SPEG: variants seen among roughly 807,000 people sequenced by gnomAD.
The protein encoded by SPEG is striated muscle preferentially expressed protein kinase.
SPEG carries 114 observed loss-of-function variants against 300.4 expected under a neutral mutation model. The ratio of observed to expected loss-of-function variants is 0.38; its 90% CI spans 0.33 to 0.44. The LOEUF is 0.44. Ranked by LOEUF, SPEG falls within the 20% of genes least tolerant of loss-of-function variation. The probability of loss-of-function intolerance (pLI) is 1.00; values close to 1 mark genes in which losing one functional copy is unlikely to be tolerated. For synonymous variants in SPEG, 1,964 were observed against 2,018.9 expected (o/e 0.97, Z 0.73); for missense variants, 4,201 against 4,586.2 (o/e 0.92, Z 2.43).
intron 1 of SPEG, chr2:219,442,187 G>A: frequency 1.4e-6 from 1 of 731,204 alleles, no homozygotes; most frequent in Non-Finnish European, 1.8e-6. Flanking sequence ...GGGGGCGCTG[G>A]ATCGGCGCCT....
In SPEG at chr2:219,483,509, G is replaced by C; in HGVS notation, c.6046G>C (p.Ala2016Pro). Reference sequence around the variant, plus strand: ...GGGAGAGCTCCGCAGGGGCAGCTCGGCTGAGAGCGCCCTGCCCCGGGCCGG... The same window carrying C: ...GGGAGAGCTCCGCAGGGGCAGCTCGCCTGAGAGCGCCCTGCCCCGGGCCGG... ...RRGELRRGSS[A>P]ESALPRAGPR... Residue 2016 changes from alanine (A) to proline (P), a missense_variant, in exon 30 of 41, where the codon GCT (alanine) becomes CCT (proline). Around this residue, in one of 4 missense-constraint regions of SPEG, gnomAD observed 1,578 missense variants for 1,506.0 expected, o/e 1.05. Coordinates refer to ENST00000312358, the MANE Select transcript of SPEG (RefSeq NM_005876.5). The C allele has an allele frequency of 2.8e-6, 4 of 1,418,616 alleles. No individual in the cohort carries two copies. Among genetic ancestry groups the C allele is most frequent in the Non-Finnish European group, 3.6e-6 (4 of 1,097,616 alleles). The allele number at this position is 1,418,616 out of a possible 1,614,324, so 87.9% of individuals were successfully genotyped here.
intron 6 of SPEG, among the ~76,000 whole-genome samples, chr2:219,455,639 T>C (rs1042873456): frequency 6.6e-6 from 1 of 152,112 alleles, no homozygotes; most frequent in African/African-American, 2.4e-5. Flanking sequence ...CACCCCCCTT[T>C]CCTGTTGCTC....
Position 219,459,612 on chromosome 2 carries a change from T to C in SPEG, c.2441-2270T>C, listed in dbSNP as rs1690475685. Among the ~76,000 whole-genome samples, 1 of 152,108 alleles carries C rather than the reference T, an allele frequency of 6.6e-6. No individual in the cohort carries two copies. The highest frequency in any genetic ancestry group is 2.1e-4 in the South Asian group (1 of 4,830). On this transcript the variant is annotated intron_variant, in intron 6 of 40. Transcript: ENST00000312358. This position sits in a 1 kb window ranked among gnomAD's most constrained non-coding sequence, Gnocchi z 4.9. The stretch of plus-strand genomic sequence containing the variant: ...GGTCTCTGAGGCTCCCTGCAAACCT[T>C]GACCATCTGGCCTTCAGCTCTGCTT...
In SPEG at chr2:219,435,119, C is replaced by A. The variant is rs1954679651; in HGVS notation, c.142C>A (p.Pro48Thr). 2.7e-6 allele frequency: 4 copies of A among 1,457,860 alleles called. No homozygotes were observed. The highest frequency in any genetic ancestry group is 3.6e-6 in the Non-Finnish European group (4 of 1,115,718). 90.3% of individuals were successfully genotyped at this position (1,457,860 alleles called of 1,614,324 possible). The change falls in exon 1 of 41, where the codon CCC (proline) becomes ACC (threonine). Residue 48 changes from proline to threonine, a missense_variant. Pro to Thr is a conservative substitution (Grantham distance 38, BLOSUM62 -1). Coordinates refer to ENST00000312358, the MANE Select transcript of SPEG (RefSeq NM_005876.5). The part of the protein sequence containing the change: ...AVAGAPVFLR[P>T]LKNAAVCAGS... ...GGCCGGGGCGCCAGTCTTCCTGCGG[C>A]CCCTGAAGAACGCGGCGGTGTGCGC...
chr2:219,444,965 C>T lies in SPEG; in HGVS notation c.619C>T (p.Arg207Cys), dbSNP rs751881977. The T allele has an allele frequency of 7.5e-6, 12 of 1,603,026 alleles. No homozygotes were observed. The highest frequency in any genetic ancestry group is 2.2e-5 in the East Asian group (1 of 44,736). ...QEAGSGGGTR[R>C]LPGSPRQAQA... ...AGCGGGCAGTGGGGGTGGCACCCGC[C>T]GCCTCCCGGGCAGCCCAAGGCAAGC... The change falls in exon 3 of 41, where the codon CGC becomes TGC. Residue 207 changes from arginine to cysteine, a missense_variant. Physicochemically the swap from Arg to Cys is radical, Grantham distance 180. Around this residue, in one of 4 missense-constraint regions of SPEG, gnomAD observed 1,258 missense variants for 1,293.9 expected, o/e 0.97. Coordinates refer to ENST00000312358, the MANE Select transcript of SPEG (RefSeq NM_005876.5). The surrounding 1 kb of genome is among the most constrained non-coding windows in gnomAD (Gnocchi z 7.8).
chr2:219,458,137 A>G lies in SPEG; in HGVS notation c.2441-3745A>G, dbSNP rs1050642770. 1.3e-5 allele frequency among the ~76,000 whole-genome samples: 2 copies of G among 152,044 alleles called. No homozygotes were observed. The highest frequency in any genetic ancestry group is 4.8e-5 in the African/African-American group (2 of 41,392). On this transcript the variant is annotated intron_variant, in intron 6 of 40. Transcript: ENST00000312358. This position sits in a 1 kb window ranked among gnomAD's most constrained non-coding sequence, Gnocchi z 4.2. ...CAGCTGTGCCTGGGGGCCCTCCTGG[A>G]CAGTTAGGGGCTGTGTGGACTGCAG...
rs1026337579 is a variant in SPEG, at chr2:219,465,778, C to T, written c.2881+1170C>T. 3 of 563,096 alleles carry T rather than the reference C, an allele frequency of 5.3e-6. No homozygotes were observed. In the African/African-American group the frequency reaches 5.7e-5, roughly 11 times the overall value. 34.9% of individuals were successfully genotyped at this position (563,096 alleles called of 1,614,324 possible). ...GAGGCAGCCCTCTATGCAGAAGGGC[C>T]CTAGCCAGGTCTGCGTGCCTGTGCG... is the stretch of plus-strand genomic sequence containing the variant. On this transcript the variant is annotated intron_variant, in intron 9 of 40. Coordinates refer to ENST00000312358, the MANE Select transcript of SPEG (RefSeq NM_005876.5).
chr2:219,468,817 C>T, intron 11 of SPEG, 42 bp from the exon 12 acceptor site: 1 of 1,607,396 alleles, frequency 6.2e-7, no homozygotes, highest in Non-Finnish European at 8.5e-7. Flanking sequence ...GGCAGGGCCC[C>T]TCACTGTGCC....
chr2:219,473,201 G>T lies in SPEG; in HGVS notation c.4147+105G>T. 1 of 1,162,440 alleles carries T rather than the reference G, an allele frequency of 8.6e-7. No homozygotes were observed. 72.0% of individuals were successfully genotyped at this position (1,162,440 alleles called of 1,614,324 possible). On this transcript the variant is annotated intron_variant, in intron 16 of 40. Transcript: ENST00000312358. The surrounding 1 kb of genome is among the most constrained non-coding windows in gnomAD (Gnocchi z 4.6). The stretch of plus-strand genomic sequence containing the variant: ...GATGGCCTGGACATGGTAACTGGCA[G>T]GAGCAGCCTAGCCGGGCGGGACCTT...
rs756988943 is a variant in SPEG at position 219,484,435 on chromosome 2, C to T, written c.6972C>T (p.Ile2324=). 23 of 1,611,374 alleles carry T rather than the reference C, an allele frequency of 1.4e-5. No individual in the cohort carries two copies. Among genetic ancestry groups the T allele is most frequent in the Middle Eastern group, 3.3e-4 (2 of 6,084 alleles). The change falls in exon 30 of 41, where the codon ATC becomes ATT. Residue 2324 remains isoleucine (I), a synonymous_variant. Coordinates refer to ENST00000312358, the MANE Select transcript of SPEG (RefSeq NM_005876.5). ...PRPGSSLSSS[I]ENLESEAVFE... is the part of the protein sequence containing the mutation. ...CAGGCAGCAGTCTCAGTAGCAGCAT[C>T]GAAAACTTGGAGTCGGAGGCCGTGT...
intron 6 of SPEG, among the ~76,000 whole-genome samples, chr2:219,456,253 CA>C (rs1041275917): frequency 6.6e-6 from 1 of 152,274 alleles, no homozygotes; most frequent in Non-Finnish European, 1.5e-5. Context: ...CCTTAGCATC[CA>C]TGTCAGTCCC....
At position 219,490,802 on chromosome 2, in the gene SPEG, C is replaced by T. The variant is rs766068098; in HGVS notation, c.9231C>T (p.His3077=). ...VQLLQGLDYL[H]GHHVLHLDIK... The stretch of plus-strand genomic sequence containing the variant: ...TGCTACAAGGCCTGGACTACCTCCA[C>T]GGCCACCACGTGCTCCACCTAGACA... Residue 3077 remains histidine (H), a synonymous_variant, in exon 38 of 41, where the codon CAC becomes CAT. Coordinates refer to ENST00000312358, the MANE Select transcript of SPEG (RefSeq NM_005876.5). 2.0e-5 allele frequency: 33 copies of T among 1,613,998 alleles called. No homozygotes were observed. Among genetic ancestry groups the T allele is most frequent in the Middle Eastern group, 1.6e-4 (1 of 6,084 alleles).
rs929983608 is a variant in SPEG at position 219,464,937 on chromosome 2, C to A, written c.2881+329C>A. 7.4e-6 allele frequency: 2 copies of A among 269,934 alleles called. No homozygotes were observed. Among genetic ancestry groups the A allele is most frequent in the Admixed American group, 5.0e-5 (1 of 20,140 alleles). The allele number at this position is 269,934 out of a possible 1,614,324, so 16.7% of individuals were successfully genotyped here. On this transcript the variant is annotated intron_variant, in intron 9 of 40. Coordinates refer to ENST00000312358, the MANE Select transcript of SPEG (RefSeq NM_005876.5). The surrounding 1 kb of genome is among the most constrained non-coding windows in gnomAD (Gnocchi z 4.5). The stretch of plus-strand genomic sequence containing the variant: ...TCTACACTCTTCTGAGCCTTTGTCA[C>A]CCTGCTCTGCCCAGGACCCTCCCTC...
chr2:219,463,186 A>G (rs1029873048), intron 8 of SPEG, among the ~76,000 whole-genome samples: 2 of 151,640 alleles, frequency 1.3e-5, no homozygotes, highest in Non-Finnish European at 2.9e-5. Context: ...TCCAGCCTGG[A>G]CAATATAGCA....
chr2:219,456,218 A>T (rs1196359661), intron 6 of SPEG, among the ~76,000 whole-genome samples: 1 of 152,244 alleles, frequency 6.6e-6, no homozygotes, highest in South Asian at 2.1e-4. Context: ...ATTGGGGGCC[A>T]TGAAAACAAA....
At chr2:219,467,079 GTGTC>G (rs1559393043) in intron 9 of SPEG, 91 bp from the exon 10 acceptor site, 2 of 1,404,502 alleles carry the variant, frequency 1.4e-6, no homozygotes, top group Non-Finnish European at 9.6e-7. Flanking sequence ...CTCTCTCTCT[GTGTC>G]TGTCTGTCTC....
intron 6 of SPEG, among the ~76,000 whole-genome samples, chr2:219,455,667 G>A (rs1690121770): frequency 6.6e-6 from 1 of 152,184 alleles, no homozygotes; most frequent in African/African-American, 2.4e-5. Context: ...GTTCGAGGTT[G>A]AGGTAGAACT....
chr2:219,447,362 A>G (rs1229552644), intron 3 of SPEG, among the ~76,000 whole-genome samples: 1 of 152,170 alleles, frequency 6.6e-6, no homozygotes, highest in African/African-American at 2.4e-5. Flanking sequence ...GCTGTGTCCC[A>G]TCAGTGCTCG....
chr2:219,473,645 A>G lies in SPEG; in HGVS notation c.4271+18A>G. On this transcript the variant is annotated intron_variant, in intron 17 of 40. Transcript: ENST00000312358. This position sits in a 1 kb window ranked among gnomAD's most constrained non-coding sequence, Gnocchi z 4.6. ...TGGAGGAGGTGGGCCCCTTTCCCAC[A>G]TGTGGCAGCCCAGGTCTGGCCCAGC... is the stretch of plus-strand genomic sequence containing the variant. 1 of 1,614,132 alleles carries G rather than the reference A, an allele frequency of 6.2e-7. No homozygotes were observed. The highest frequency in any genetic ancestry group is 8.5e-7 in the Non-Finnish European group (1 of 1,180,000).
Sources: allele counts gnomAD v4.1 joint callset (sites outside exome capture counted in the v4.1 genomes callset), GRCh38; gene constraint gnomAD v4.1.1; regional missense constraint gnomAD v4.1.1; non-coding constraint Gnocchi (gnomAD v3.1); transcripts MANE v1.5; gene names NCBI Gene and HGNC (gene_info 2026-07-23, HGNC 2026-07-21).